Variants in MAF observed in about 807,000 individuals in gnomAD.
MAF encodes the protein MAF bZIP transcription factor, also known as transcription factor Maf.
In MAF, 10 loss-of-function variants were observed where a neutral mutation model predicts 22.0. The observed-to-expected ratio is 0.45, with a 90% CI of 0.28 to 0.77. The LOEUF (loss-of-function observed/expected upper bound fraction) is 0.77. Among genes scored for constraint, MAF ranks in the 30% least tolerant of loss-of-function variants. MAF has a pLI of 0.12. For synonymous variants in MAF, 337 were observed against 255.8 expected (o/e 1.32, Z -3.03); for missense variants, 544 against 548.4 (o/e 0.99, Z 0.08).
At chr16:79,332,831 A>C in the MAF span, among the ~76,000 whole-genome samples, 1 of 152,204 alleles carries the variant, frequency 6.6e-6, no homozygotes, top group Non-Finnish European at 1.5e-5. Flanking sequence ...CAAAGCCAGC[A>C]CTATTTCTAC....
the MAF span, among the ~76,000 whole-genome samples, chr16:79,364,905 T>C: frequency 2.6e-5 from 4 of 152,214 alleles, no homozygotes; most frequent in Non-Finnish European, 5.9e-5. Context: ...ACTGAGTTTA[T>C]TTGAGCATTC....
chr16:79,381,640 G>C, the MAF span, among the ~76,000 whole-genome samples: 1 of 152,182 alleles, frequency 6.6e-6, no homozygotes, highest in African/African-American at 2.4e-5. Flanking sequence ...CTCTGTCTGG[G>C]GGCCCATGTT....
chr16:79,332,755 C>T, the MAF span, among the ~76,000 whole-genome samples: 80 of 152,314 alleles, frequency 5.3e-4, no homozygotes, highest in African/African-American at 1.7e-3. Flanking sequence ...CACAGTCTGA[C>T]GAACAACCAG....
At chr16:79,479,275 C>T in the MAF span, among the ~76,000 whole-genome samples, 3 of 152,344 alleles carry the variant, frequency 2.0e-5, no homozygotes, top group Non-Finnish European at 2.9e-5. Flanking sequence ...TACCTTTCTA[C>T]CATCCTGTTG....
chr16:79,596,458 A>G, intron 1 of MAF: 1 of 1,052,780 alleles, frequency 9.5e-7, no homozygotes, highest in Non-Finnish European at 1.1e-6. Flanking sequence ...TAAACTGTAC[A>G]CTAAGAAACT....
At chr16:79,216,643 C>G in the MAF span, among the ~76,000 whole-genome samples, 1 of 152,112 alleles carries the variant, frequency 6.6e-6, no homozygotes, top group Non-Finnish European at 1.5e-5. Context: ...CTGGGCTATG[C>G]TATGATGTTC....
At chr16:79,520,989 T>A in the MAF span, among the ~76,000 whole-genome samples, 5 of 152,222 alleles carry the variant, frequency 3.3e-5, no homozygotes, top group African/African-American at 9.6e-5. Context: ...TCAAGTAACT[T>A]ACCCAAGATC....
chr16:79,295,328 G>A, the MAF span, among the ~76,000 whole-genome samples: 3,782 of 152,292 alleles, frequency 0.025, 149 homozygotes, highest in African/African-American at 0.085. Flanking sequence ...TTCTGAGTCC[G>A]GGTAGGCTCA....
chr16:79,594,481 A>T lies in MAF; in HGVS notation c.1191T>A (p.Leu397=). The T allele has an allele frequency of 6.4e-7, 1 of 1,563,066 alleles. No individual in the cohort carries two copies. The highest frequency in any genetic ancestry group is 8.7e-7 in the Non-Finnish European group (1 of 1,151,188). The change falls in exon 2 of 2, where the codon CTT becomes CTA. Residue 397 remains leucine (L), a synonymous_variant. Transcript: ENST00000326043. ...ATFWKPQHRV[L]TSVFTK is the part of the protein sequence containing the mutation. Reference sequence around the variant, plus strand: ...AATTTCATTTTGTGAACACACTGGTAAGTACACGATGCTGGGGCTTCCAAA... The same window carrying T: ...AATTTCATTTTGTGAACACACTGGTTAGTACACGATGCTGGGGCTTCCAAA...
the MAF span, among the ~76,000 whole-genome samples, chr16:79,308,576 T>C: frequency 6.6e-6 from 1 of 152,204 alleles, no homozygotes; most frequent in Non-Finnish European, 1.5e-5. Flanking sequence ...CTTTATTCTG[T>C]GTAGGAATTT....
chr16:79,369,035 G>T, the MAF span, among the ~76,000 whole-genome samples: 2 of 152,188 alleles, frequency 1.3e-5, no homozygotes, highest in Admixed American at 6.5e-5. Flanking sequence ...TTGGTGGGTG[G>T]TCAGCTCTTA....
At chr16:79,573,990 G>A in the MAF span, among the ~76,000 whole-genome samples, 2 of 152,126 alleles carry the variant, frequency 1.3e-5, no homozygotes, top group East Asian at 1.9e-4. Context: ...CAGGTATACC[G>A]TGCCGCATTC....
chr16:79,212,862 G>C, the MAF span: 1 of 152,088 alleles, frequency 6.6e-6, no homozygotes, highest in African/African-American at 2.4e-5. Context: ...GCTGTCCGTG[G>C]GCCAAGTTGT....
At chr16:79,534,527 A>G in the MAF span, among the ~76,000 whole-genome samples, 1 of 151,288 alleles carries the variant, frequency 6.6e-6, no homozygotes, top group Non-Finnish European at 1.5e-5. Flanking sequence ...TTTACAGAAT[A>G]CTGCCAGTAC....
the MAF span, among the ~76,000 whole-genome samples, chr16:79,232,275 T>C: frequency 6.6e-6 from 1 of 152,026 alleles, no homozygotes; most frequent in Admixed American, 6.6e-5. Flanking sequence ...AATGGCTGGG[T>C]TGGTGAAATG....
the MAF span, among the ~76,000 whole-genome samples, chr16:79,539,741 G>A: frequency 1.2e-3 from 177 of 152,294 alleles, no homozygotes; most frequent in African/African-American, 3.9e-3. Flanking sequence ...TTTGGATAAT[G>A]TTAATTACAC....
the MAF span, among the ~76,000 whole-genome samples, chr16:79,329,673 T>C: frequency 6.6e-6 from 1 of 152,174 alleles, no homozygotes; most frequent in Non-Finnish European, 1.5e-5. Context: ...TCTCCCACAC[T>C]GTGTTAGGAA....
At chr16:79,527,203 G>T in the MAF span, among the ~76,000 whole-genome samples, 1 of 152,136 alleles carries the variant, frequency 6.6e-6, no homozygotes, top group Non-Finnish European at 1.5e-5. Context: ...GTCCCCTAAA[G>T]TTTCCCCCAA....
intron 1 of MAF, chr16:79,596,851 G>A (rs963523612): frequency 6.3e-5 from 66 of 1,048,192 alleles, no homozygotes; most frequent in Non-Finnish European, 7.0e-5. Context: ...TTTTATAACT[G>A]CATAAATTTT....
Sources: gnomAD v4.1 joint callset for allele counts (sites outside exome capture counted in the v4.1 genomes callset) on GRCh38, gnomAD v4.1.1 for gene constraint, MANE v1.5 for transcripts, NCBI Gene and HGNC (gene_info 2026-07-23, HGNC 2026-07-21) for gene names.